TPTE2: variants seen among roughly 807,000 people sequenced by gnomAD.
TPTE2 encodes phosphatidylinositol 3,4,5-trisphosphate 3-phosphatase TPTE2.
In TPTE2, 53 loss-of-function variants were observed where a neutral mutation model predicts 78.6. The observed-to-expected ratio is 0.67, with a 90% CI of 0.54 to 0.85. TPTE2 has a LOEUF of 0.85. Ranked by LOEUF, TPTE2 falls within the 40% of genes least tolerant of loss-of-function variation. The pLI, the probability that TPTE2 is intolerant of heterozygous loss-of-function variation, is 0.00. For missense variants in TPTE2, 461 were observed against 623.0 expected (o/e 0.74, Z 2.77); for synonymous variants, 175 against 206.2 (o/e 0.85, Z 1.30).
chr13:19,553,073 A>G, the TPTE2 span, among the ~76,000 whole-genome samples: 1 of 150,762 alleles, frequency 6.6e-6, no homozygotes, highest in Non-Finnish European at 1.5e-5. Context: ...GTCTATCAAA[A>G]TTAGTCACTA....
chr13:19,553,086 G>A, the TPTE2 span, among the ~76,000 whole-genome samples: 4 of 150,584 alleles, frequency 2.7e-5, no homozygotes, highest in African/African-American at 9.7e-5. Context: ...AGTCACTAAT[G>A]TACTACTGTT....
chr13:19,536,313 A>G (rs545065016), intron 1 of TPTE2, among the ~76,000 whole-genome samples: 1 of 152,156 alleles, frequency 6.6e-6, no homozygotes, highest in Non-Finnish European at 1.5e-5. Context: ...ATAATGTATA[A>G]TATGCATAAC....
At chr13:19,442,079 A>G (rs1231277796) in intron 13 of TPTE2, among the ~76,000 whole-genome samples, 1 of 152,168 alleles carries the variant, frequency 6.6e-6, no homozygotes, top group Non-Finnish European at 1.5e-5. Context: ...AGAGTTAAAT[A>G]AAATAGATGT....
intron 1 of TPTE2, among the ~76,000 whole-genome samples, chr13:19,523,084 G>T (rs186292569): frequency 6.6e-6 from 1 of 152,290 alleles, no homozygotes; most frequent in East Asian, 1.9e-4. Flanking sequence ...TGTGCATGGG[G>T]TCTTCCTTGG....
At chr13:19,499,806 GA>G (rs1941926102) in intron 1 of TPTE2, among the ~76,000 whole-genome samples, 1 of 150,376 alleles carries the variant, frequency 6.6e-6, no homozygotes, top group Middle Eastern at 3.4e-3. Flanking sequence ...AATCAGAGCA[GA>G]GCTGAAGGAA....
intron 1 of TPTE2, among the ~76,000 whole-genome samples, chr13:19,526,230 C>G (rs899124505): frequency 1.3e-5 from 2 of 152,176 alleles, no homozygotes; most frequent in East Asian, 1.9e-4. Flanking sequence ...AAGACACATG[C>G]ACACATATGT....
intron 10 of TPTE2, among the ~76,000 whole-genome samples, chr13:19,453,439 A>G (rs1878323866): frequency 6.6e-6 from 1 of 151,920 alleles, no homozygotes; most frequent in African/African-American, 2.4e-5. Flanking sequence ...TCATGGGGAA[A>G]CAAATATAAC....
At chr13:19,561,353 C>G in the TPTE2 span, 1 of 554,554 alleles carries the variant, frequency 1.8e-6, no homozygotes, top group African/African-American at 1.9e-5. Flanking sequence ...GACCGGCCTG[C>G]AGGTCCACTC....
At chr13:19,530,625 G>A (rs924071848) in intron 1 of TPTE2, among the ~76,000 whole-genome samples, 15 of 151,956 alleles carry the variant, frequency 9.9e-5, no homozygotes, top group African/African-American at 3.1e-4. Context: ...GATCACTGCC[G>A]CCTTGAACTC....
intron 3 of TPTE2, among the ~76,000 whole-genome samples, chr13:19,483,073 A>T (rs1880454302): frequency 6.6e-6 from 1 of 152,220 alleles, no homozygotes; most frequent in South Asian, 2.1e-4. Flanking sequence ...TTTATTGGTT[A>T]AAAAATGCTA....
chr13:19,496,214 T>C (rs1410197916), intron 1 of TPTE2, among the ~76,000 whole-genome samples: 1 of 151,720 alleles, frequency 6.6e-6, no homozygotes, highest in Non-Finnish European at 1.5e-5. Context: ...ACAGAAGTCA[T>C]GTGTGTATTT....
intron 10 of TPTE2, among the ~76,000 whole-genome samples, chr13:19,451,518 C>G (rs984630418): frequency 8.5e-5 from 13 of 152,134 alleles, no homozygotes; most frequent in African/African-American, 2.9e-4. Flanking sequence ...GTAATTTGTT[C>G]TAAATCATTA....
the TPTE2 span, among the ~76,000 whole-genome samples, chr13:19,546,517 T>C: frequency 8.5e-6 from 1 of 118,234 alleles, no homozygotes; most frequent in South Asian, 3.1e-4. Flanking sequence ...GAGAGGGAGT[T>C]TCACTCTCGT....
intron 6 of TPTE2, among the ~76,000 whole-genome samples, chr13:19,470,903 A>ATTTC (rs1879572740): frequency 6.8e-6 from 1 of 147,124 alleles, no homozygotes; most frequent in Non-Finnish European, 1.5e-5. Context: ...TTATTTATTT[A>ATTTC]TTTATTTATT....
At chr13:19,540,010 G>A (rs1272842696), upstream of TPTE2, among the ~76,000 whole-genome samples, 3 of 152,036 alleles carry the variant, frequency 2.0e-5, no homozygotes, top group Admixed American at 6.6e-5. Context: ...CAGGTGTGGG[G>A]GCGAGTACCT....
At chr13:19,536,008 GAGA>G (rs1163067715) in intron 1 of TPTE2, among the ~76,000 whole-genome samples, 3 of 152,246 alleles carry the variant, frequency 2.0e-5, no homozygotes, top group South Asian at 2.1e-4. Flanking sequence ...TATTAATAAG[GAGA>G]AGATTTATTC....
intron 6 of TPTE2, among the ~76,000 whole-genome samples, chr13:19,473,093 T>C (rs1879724757): frequency 6.6e-6 from 1 of 152,188 alleles, no homozygotes; most frequent in African/African-American, 2.4e-5. Context: ...CACCTAAAGC[T>C]TGGGGTTGAG....
chr13:19,541,987 C>T, the TPTE2 span, among the ~76,000 whole-genome samples: 5 of 152,138 alleles, frequency 3.3e-5, no homozygotes, highest in Non-Finnish European at 7.4e-5. Flanking sequence ...TTTTAAAATA[C>T]CAATCAAATT....
At chr13:19,478,215 G>A (rs1347383890) in intron 4 of TPTE2, among the ~76,000 whole-genome samples, 1 of 152,114 alleles carries the variant, frequency 6.6e-6, no homozygotes, top group Non-Finnish European at 1.5e-5. Context: ...CCATCAGAGT[G>A]AACAGGCAAC....
Sources: allele counts gnomAD v4.1 joint callset (sites outside exome capture counted in the v4.1 genomes callset), GRCh38; gene constraint gnomAD v4.1.1; transcripts MANE v1.5; gene names NCBI Gene and HGNC (gene_info 2026-07-23, HGNC 2026-07-21).